Variants in KIRREL3 observed in about 807,000 individuals in gnomAD.
KIRREL3 encodes kirre like nephrin family adhesion molecule 3, also known as kin of IRRE-like protein 3.
A neutral mutation model predicts 89.7 loss-of-function variants in KIRREL3; 36 were observed. The ratio of observed to expected loss-of-function variants is 0.40; its 90% CI spans 0.31 to 0.53. KIRREL3 has a LOEUF of 0.53. Ranked by LOEUF, KIRREL3 falls within the 20% of genes least tolerant of loss-of-function variation. KIRREL3 has a pLI of 0.49. For synonymous variants in KIRREL3, 445 were observed against 441.4 expected, an observed-to-expected ratio of 1.01 and a Z score of -0.10; for missense variants, 864 against 1,056.6, an observed-to-expected ratio of 0.82 and a Z score of 2.53.
chr11:126,584,124 C>G (rs919440041), intron 1 of KIRREL3, among the ~76,000 whole-genome samples: 2 of 152,142 alleles, frequency 1.3e-5, no homozygotes, highest in Non-Finnish European at 2.9e-5. Context: ...AAGCCATCCT[C>G]GTGAGTAAAA....
chr11:126,726,104 C>T (rs1948368705), intron 1 of KIRREL3, among the ~76,000 whole-genome samples: 1 of 152,142 alleles, frequency 6.6e-6, no homozygotes, highest in Admixed American at 6.5e-5. Flanking sequence ...ATTCTAACCC[C>T]CTGTGTCCCG....
chr11:126,573,223 C>T (rs1430210934), intron 1 of KIRREL3, among the ~76,000 whole-genome samples: 1 of 152,144 alleles, frequency 6.6e-6, no homozygotes, highest in East Asian at 1.9e-4. Flanking sequence ...TGCGTTGCCT[C>T]GCGGGGTGGG....
intron 8 of KIRREL3, among the ~76,000 whole-genome samples, chr11:126,448,056 G>A (rs1378283863): frequency 1.3e-5 from 2 of 152,134 alleles, no homozygotes; most frequent in Non-Finnish European, 2.9e-5. Context: ...GGAGGCAGAG[G>A]TGGGTAGATC....
chr11:126,929,982 C>T (rs928899287), intron 1 of KIRREL3, among the ~76,000 whole-genome samples: 10 of 148,504 alleles, frequency 6.7e-5, no homozygotes, highest in Admixed American at 5.4e-4. Context: ...TTCCCAAGTA[C>T]ACTTGAGGGA....
At position 126,511,872 on chromosome 11, in the gene KIRREL3, C is replaced by T. The variant is rs1024002662; in HGVS notation, c.433+9443G>A. Among the ~76,000 whole-genome samples, 19 of 152,302 alleles carry T rather than the reference C, an allele frequency of 1.2e-4. No homozygotes were observed. The South Asian group carries it at 2.1e-3, about 17-fold the overall frequency. On this transcript the variant is annotated intron_variant, in intron 4 of 16. Transcript: ENST00000525144. ...TTTTGGGCCTGGGCTGAGGTCGGAA[C>T]GGAGAAGCGGCGGGTTATTTTTAGC...
chr11:126,446,945 TTGC>T (rs1955843541), intron 8 of KIRREL3, 59 bp from the exon 9 acceptor site: 1 of 1,569,196 alleles, frequency 6.4e-7, no homozygotes, highest in Non-Finnish European at 8.7e-7. Context: ...GGGATCCTCC[TTGC>T]TGCTGCCTCC....
At chr11:126,546,222 C>T (rs1340738665) in intron 2 of KIRREL3, among the ~76,000 whole-genome samples, 3 of 152,248 alleles carry the variant, frequency 2.0e-5, no homozygotes, top group Non-Finnish European at 4.4e-5. Flanking sequence ...CTCCTCCAAA[C>T]AGCTGAGCTT....
At chr11:126,718,963 T>A (rs972028727) in intron 1 of KIRREL3, among the ~76,000 whole-genome samples, 5 of 152,148 alleles carry the variant, frequency 3.3e-5, no homozygotes, top group African/African-American at 1.2e-4. Context: ...CCCTCCAGAG[T>A]CATCATTCCC....
chr11:126,619,233 A>AGGCAGAG (rs1943480150), intron 1 of KIRREL3, among the ~76,000 whole-genome samples: 1 of 152,236 alleles, frequency 6.6e-6, no homozygotes, highest in Non-Finnish European at 1.5e-5. Context: ...AGGGGATTTA[A>AGGCAGAG]GGCAGAGGAA....
chr11:126,506,662 C>T (rs1242948224), intron 4 of KIRREL3, among the ~76,000 whole-genome samples: 1 of 152,168 alleles, frequency 6.6e-6, no homozygotes, highest in African/African-American at 2.4e-5. Flanking sequence ...AGTTTCTTAA[C>T]AAGTTGAGCA....
intron 2 of KIRREL3, among the ~76,000 whole-genome samples, chr11:126,543,525 TC>T (rs1235178883): frequency 6.6e-6 from 1 of 152,042 alleles, no homozygotes; most frequent in African/African-American, 2.4e-5. Context: ...TGGCTTTTTT[TC>T]CCCCAACAGT....
Position 126,441,561 on chromosome 11 carries a change from C to G in KIRREL3, c.1253-1012G>C, listed in dbSNP as rs1243090981. On this transcript the variant is annotated intron_variant, in intron 10 of 16. Transcript: ENST00000525144. The surrounding 1 kb of genome is among the most constrained non-coding windows in gnomAD (Gnocchi z 5.0). Reference sequence around the variant, plus strand: ...ATGCTCCCTTTCCAATCCCTGGGGTCACAGTTGGGACTTAGATGGCAGATA... The same window carrying G: ...ATGCTCCCTTTCCAATCCCTGGGGTGACAGTTGGGACTTAGATGGCAGATA... 6.6e-6 allele frequency among the ~76,000 whole-genome samples: 1 copy of G among 152,196 alleles called. No individual in the cohort carries two copies. The highest frequency in any genetic ancestry group is 2.4e-5 in the African/African-American group (1 of 41,444).
At chr11:126,716,440 G>A (rs4499015) in intron 1 of KIRREL3, among the ~76,000 whole-genome samples, 135,441 of 152,060 alleles carry the variant, frequency 0.89, 60,415 homozygotes, top group East Asian at 1. Context: ...GAACCACAGC[G>A]TTGAGGCTGT....
chr11:126,920,173 A>C (rs1359024990), intron 1 of KIRREL3: 1 of 152,424 alleles, frequency 6.6e-6, no homozygotes, highest in Non-Finnish European at 1.5e-5. Flanking sequence ...GGCTTGGTTA[A>C]GAATCTGCCC....
rs570098434 is a variant in KIRREL3 at position 126,895,387 on chromosome 11, C to T, written c.55+105068G>A. ...CTGAGGCAGGAGAATTGCTTGAACC[C>T]GGGAGGCGGAGATTCCACCACTGTA... is the stretch of plus-strand genomic sequence containing the variant. On this transcript the variant is annotated intron_variant, in intron 1 of 16. Coordinates refer to ENST00000525144, the MANE Select transcript of KIRREL3 (RefSeq NM_032531.4). Among the ~76,000 whole-genome samples, 10 of 150,248 alleles carry T rather than the reference C, an allele frequency of 6.7e-5. No homozygotes were observed. In the East Asian group the frequency reaches 7.8e-4, roughly 12 times the overall value.
chr11:126,529,456 T>A (rs2134452809), intron 2 of KIRREL3, among the ~76,000 whole-genome samples: 1 of 152,114 alleles, frequency 6.6e-6, no homozygotes, highest in South Asian at 2.1e-4. Context: ...CCTGATGGGA[T>A]GGGGCTGAGC....
intron 6 of KIRREL3, among the ~76,000 whole-genome samples, chr11:126,457,415 GTA>G (rs977345904): frequency 9.2e-5 from 14 of 151,970 alleles, no homozygotes; most frequent in Admixed American, 7.2e-4. Context: ...ATGCACGTGT[GTA>G]TGTGTGTCTA....
intron 1 of KIRREL3, among the ~76,000 whole-genome samples, chr11:126,947,709 A>G (rs1052652999): frequency 6.6e-6 from 1 of 152,238 alleles, no homozygotes; most frequent in Admixed American, 6.5e-5. Flanking sequence ...GCAGACTGAG[A>G]TGGGATTAAA....
chr11:126,675,881 A>T (rs186078067), intron 1 of KIRREL3, among the ~76,000 whole-genome samples: 204 of 152,332 alleles, frequency 1.3e-3, no homozygotes, highest in Non-Finnish European at 2.5e-3. Context: ...AGGCCACAGC[A>T]GTAATCCAAG....
Sources: allele counts gnomAD v4.1 joint callset (sites outside exome capture counted in the v4.1 genomes callset), GRCh38; gene constraint gnomAD v4.1.1; non-coding constraint Gnocchi (gnomAD v3.1); transcripts MANE v1.5; gene names NCBI Gene and HGNC (gene_info 2026-07-23, HGNC 2026-07-21).